PAPSS2: variants seen among roughly 807,000 people sequenced by gnomAD.
PAPSS2 encodes the protein bifunctional 3'-phosphoadenosine 5'-phosphosulfate synthase 2.
Under a neutral mutation model 66.5 loss-of-function variants are expected in PAPSS2, and 61 were observed. The observed-to-expected ratio is 0.92, with a 90% confidence interval of 0.75 to 1.14. The LOEUF is 1.14. Ranked by LOEUF, PAPSS2 falls within the 50% of genes most tolerant of loss-of-function variation. The probability of loss-of-function intolerance (pLI) is 0.00; values close to 1 mark genes in which losing one functional copy is unlikely to be tolerated. For missense variants in PAPSS2, 708 were observed against 789.6 expected (o/e 0.90, Z 1.24); for synonymous variants, 289 against 287.5 (o/e 1.01, Z -0.05).
intron 1 of PAPSS2, among the ~76,000 whole-genome samples, chr10:87,705,934 A>G (rs1260070300): frequency 6.6e-6 from 1 of 150,566 alleles, no homozygotes; most frequent in Non-Finnish European, 1.5e-5. Flanking sequence ...GGGTTTCACC[A>G]TATTGGCCAG....
At chr10:87,676,043 C>T (rs1852941575) in intron 1 of PAPSS2, among the ~76,000 whole-genome samples, 3 of 95,908 alleles carry the variant, frequency 3.1e-5, no homozygotes, top group Admixed American at 2.3e-4. Flanking sequence ...TCACTACATT[C>T]CTCATGGAAT....
At chr10:87,710,687 A>T (rs1853452669) in intron 2 of PAPSS2, among the ~76,000 whole-genome samples, 1 of 152,196 alleles carries the variant, frequency 6.6e-6, no homozygotes, top group Admixed American at 6.5e-5. Flanking sequence ...TTAGAGGAAG[A>T]AAAGAATATA....
chr10:87,659,920 C>T lies in PAPSS2; in HGVS notation c.-62C>T. 2 of 1,583,126 alleles carry T rather than the reference C, an allele frequency of 1.3e-6. No individual in the cohort carries two copies. Among genetic ancestry groups the T allele is most frequent in the Non-Finnish European group, 1.7e-6 (2 of 1,156,306 alleles). ...CTGCTGCTGCTGCCGCCGCCGCCGC[C>T]GCCGTCCCTGCGTCCTTCGGTCTCT... On this transcript the variant is annotated 5_prime_UTR_variant, in exon 1 of 13. Coordinates refer to ENST00000456849, the MANE Select transcript of PAPSS2 (RefSeq NM_001015880.2).
At chr10:87,723,049 C>A (rs1853615357) in intron 8 of PAPSS2, among the ~76,000 whole-genome samples, 1 of 152,300 alleles carries the variant, frequency 6.6e-6, no homozygotes, top group Non-Finnish European at 1.5e-5. Flanking sequence ...CCTTGGATTT[C>A]AAGTCAGAAT....
chr10:87,737,151 G>T (rs1012890756), intron 9 of PAPSS2, among the ~76,000 whole-genome samples: 4 of 152,070 alleles, frequency 2.6e-5, no homozygotes, highest in African/African-American at 7.2e-5. Context: ...CCCACCAAGG[G>T]TCTCCTTGCC....
chr10:87,695,232 GCTA>G (rs978174796), intron 1 of PAPSS2, among the ~76,000 whole-genome samples: 3 of 152,202 alleles, frequency 2.0e-5, no homozygotes, highest in African/African-American at 7.2e-5. Context: ...CTGCCTTCTT[GCTA>G]TAAGCTCACA....
intron 1 of PAPSS2, among the ~76,000 whole-genome samples, chr10:87,702,948 G>C (rs1258592126): frequency 1.3e-5 from 2 of 152,240 alleles, no homozygotes; most frequent in African/African-American, 4.8e-5. Context: ...TCAAGGCTGA[G>C]GCTCCCTGTC....
intron 1 of PAPSS2, among the ~76,000 whole-genome samples, chr10:87,686,119 C>T (rs1853085028): frequency 6.7e-6 from 1 of 148,446 alleles, no homozygotes; most frequent in South Asian, 2.1e-4. Flanking sequence ...TTTTGGCAGC[C>T]TTTGAATCTG....
At chr10:87,701,280 T>TC (rs1554864180) in intron 1 of PAPSS2, among the ~76,000 whole-genome samples, 1 of 150,430 alleles carries the variant, frequency 6.6e-6, no homozygotes, top group East Asian at 1.9e-4. Flanking sequence ...CCTTTCTCTT[T>TC]TTTCTTTCTT....
At chr10:87,734,663 G>GTACATATATATATA (rs1554867987) in intron 9 of PAPSS2, among the ~76,000 whole-genome samples, 8 of 81,096 alleles carry the variant, frequency 9.9e-5, no homozygotes, top group African/African-American at 1.6e-4. Context: ...GAATGTGTGT[G>GTACATATATATATA]TATATATATA....
At chr10:87,715,623 G>C in intron 6 of PAPSS2, 109 bp from the exon 7 acceptor site, 1 of 732,784 alleles carries the variant, frequency 1.4e-6, no homozygotes, top group Admixed American at 2.0e-5. Flanking sequence ...AAACATAGAA[G>C]GTTCTGCCCT....
rs185811230 is a variant in PAPSS2 at position 87,659,914 on chromosome 10, C to T, written c.-68C>T. On this transcript the variant is annotated 5_prime_UTR_variant, in exon 1 of 13. Transcript: ENST00000456849. ...CTGCTGCTGCTGCTGCTGCCGCCGCCGCCGCCGCCGTCCCTGCGTCCTTCG... is the reference window on the plus strand; with the variant it reads ...CTGCTGCTGCTGCTGCTGCCGCCGCTGCCGCCGCCGTCCCTGCGTCCTTCG... 4,635 of 1,548,534 alleles carry T rather than the reference C, an allele frequency of 3.0e-3. 134 individuals are homozygous for T. In the African/African-American group the frequency reaches 0.061, roughly 20 times the overall value.
intron 1 of PAPSS2, among the ~76,000 whole-genome samples, chr10:87,701,227 AATT>A (rs1269327568): frequency 1.6e-5 from 2 of 124,878 alleles, no homozygotes; most frequent in African/African-American, 3.6e-5. Context: ...TTTATATAAT[AATT>A]TTCTTTCTTT....
intron 7 of PAPSS2, among the ~76,000 whole-genome samples, chr10:87,720,789 T>C (rs1205529299): frequency 1.3e-5 from 2 of 152,204 alleles, no homozygotes; most frequent in African/African-American, 2.4e-5. Flanking sequence ...TTAGAGTATA[T>C]GATAATTGTG....
chr10:87,701,825 A>G (rs775788667), intron 1 of PAPSS2, among the ~76,000 whole-genome samples: 3 of 152,232 alleles, frequency 2.0e-5, no homozygotes, highest in Non-Finnish European at 2.9e-5. Flanking sequence ...CTTATTACAC[A>G]GAAAAAGGCA....
intron 10 of PAPSS2, 128 bp from the exon 11 acceptor site, chr10:87,743,242 CAAA>C (rs113848137): frequency 6.3e-4 from 501 of 793,860 alleles, no homozygotes; most frequent in Middle Eastern, 7.5e-4. Flanking sequence ...GAGACTCTTT[CAAA>C]AAAAAAAAAA....
intron 1 of PAPSS2, among the ~76,000 whole-genome samples, chr10:87,672,332 T>A (rs1314975366): frequency 6.6e-6 from 1 of 152,196 alleles, no homozygotes; most frequent in Non-Finnish European, 1.5e-5. Context: ...ATGGCTTCAT[T>A]TTCATTGGGA....
chr10:87,716,754 C>T (rs1853537384), intron 7 of PAPSS2, among the ~76,000 whole-genome samples: 1 of 152,184 alleles, frequency 6.6e-6, no homozygotes, highest in Non-Finnish European at 1.5e-5. Flanking sequence ...TATTCTTTTG[C>T]TGTGACAGAT....
intron 1 of PAPSS2, chr10:87,661,141 T>TA (rs10595979): frequency 9.0e-3 from 3,246 of 362,478 alleles, no homozygotes; most frequent in South Asian, 0.017. Context: ...GGGAGAGGTT[T>TA]AAAAAAAAAA....
Sources: gnomAD v4.1 joint callset for allele counts (sites outside exome capture counted in the v4.1 genomes callset) on GRCh38, gnomAD v4.1.1 for gene constraint, MANE v1.5 for transcripts, NCBI Gene and HGNC (gene_info 2026-07-23, HGNC 2026-07-21) for gene names.